The following PCDHA13 variants were observed in gnomAD, a reference collection of about 807,000 sequenced individuals.
The protein encoded by PCDHA13 is protocadherin alpha-13.
PCDHA13 carries 54 observed loss-of-function variants against 64.8 expected under a neutral mutation model. The observed-to-expected ratio is 0.83, with a 90% CI of 0.67 to 1.04. The LOEUF (loss-of-function observed/expected upper bound fraction) is 1.04, where lower values mean the gene tolerates loss of function less well. Ranked by LOEUF, PCDHA13 falls within the 50% of genes least tolerant of loss-of-function variation. PCDHA13 has a pLI of 0.00. For synonymous variants in PCDHA13, 587 were observed against 564.4 expected (o/e 1.04, Z -0.57); for missense variants, 1,248 against 1,254.3 (o/e 0.99, Z 0.08).
intron 1 of PCDHA13, among the ~76,000 whole-genome samples, chr5:140,953,076 T>C (rs1276914822): frequency 6.6e-6 from 1 of 152,106 alleles, no homozygotes; most frequent in East Asian, 1.9e-4. Flanking sequence ...ATCTCCAACA[T>C]TGGGGATTAC....
At chr5:140,922,661 T>C (rs1255153267) in intron 1 of PCDHA13, among the ~76,000 whole-genome samples, 2 of 152,156 alleles carry the variant, frequency 1.3e-5, no homozygotes, top group African/African-American at 4.8e-5. Context: ...ATGGCTATAC[T>C]GCAAGCAGTA....
At chr5:140,920,516 A>G (rs2079670610) in intron 1 of PCDHA13, among the ~76,000 whole-genome samples, 1 of 152,156 alleles carries the variant, frequency 6.6e-6, no homozygotes, top group African/African-American at 2.4e-5. Flanking sequence ...GTTTTATGCA[A>G]TTCGTTAGAC....
chr5:140,969,863 C>G (rs1305470999), intron 1 of PCDHA13, among the ~76,000 whole-genome samples: 2 of 152,156 alleles, frequency 1.3e-5, no homozygotes, highest in Non-Finnish European at 2.9e-5. Context: ...CTGGTACTTG[C>G]ACTGAACCTA....
chr5:140,939,787 C>G (rs1486449192), intron 1 of PCDHA13, among the ~76,000 whole-genome samples: 2 of 152,180 alleles, frequency 1.3e-5, no homozygotes, highest in African/African-American at 2.4e-5. Flanking sequence ...TGGTCAATTT[C>G]TATAAATGTT....
At chr5:140,979,083 C>T (rs563728648) in intron 2 of PCDHA13, 76 bp downstream of exon 2, 207 of 1,562,578 alleles carry the variant, frequency 1.3e-4, no homozygotes, top group Admixed American at 6.5e-4. Context: ...TCTCCATAGG[C>T]CAGAAGCAGC....
intron 3 of PCDHA13, among the ~76,000 whole-genome samples, chr5:141,001,365 T>C (rs577695639): frequency 6.6e-6 from 1 of 152,354 alleles, no homozygotes; most frequent in African/African-American, 2.4e-5. Context: ...AGCCTACTAT[T>C]CTGATTACAG....
At chr5:140,982,671 G>T in intron 3 of PCDHA13, 108 bp downstream of exon 3, 1 of 1,454,062 alleles carries the variant, frequency 6.9e-7, no homozygotes, top group South Asian at 1.4e-5. Context: ...TTATATTTTT[G>T]TTATTCCCTT....
chr5:141,005,563 A>G (rs938722871), intron 3 of PCDHA13, among the ~76,000 whole-genome samples: 4 of 151,458 alleles, frequency 2.6e-5, no homozygotes, highest in East Asian at 1.9e-4. Context: ...TTAGCCGGGC[A>G]TGGTGGCGCG....
At chr5:140,916,264 A>G (rs1455161672) in intron 1 of PCDHA13, among the ~76,000 whole-genome samples, 1 of 152,200 alleles carries the variant, frequency 6.6e-6, no homozygotes, top group East Asian at 1.9e-4. Flanking sequence ...CCCCAAGAGC[A>G]TGCTTGTTGC....
intron 1 of PCDHA13, chr5:140,967,256 G>T: frequency 6.2e-7 from 1 of 1,613,524 alleles, no homozygotes; most frequent in Non-Finnish European, 8.5e-7. Flanking sequence ...GGTGGCGCCT[G>T]GAGCGCGCTT....
Position 140,967,580 on chromosome 5 carries a change from C to T in PCDHA13, c.2395-11369C>T, listed in dbSNP as rs201304400. 42 of 1,614,122 alleles carry T rather than the reference C, an allele frequency of 2.6e-5. No homozygotes were observed. The East Asian group carries it at 4.7e-4, about 18-fold the overall frequency. ...CGTCCAGCTACGGGAGGACTCACCC[C>T]CAGGCACATTGGTGGTGAAGCTGAA... On this transcript the variant is annotated intron_variant, in intron 1 of 3. Transcript: ENST00000289272.
rs540052499 is a variant in PCDHA13 at position 140,992,812 on chromosome 5, G to A, written c.2542+10249G>A. Among the ~76,000 whole-genome samples the A allele has an allele frequency of 2.5e-4, 38 of 152,228 alleles. No homozygotes were observed. The South Asian group carries it at 7.9e-3, about 32-fold the overall frequency. ...TTTTATGGATCCATATGTATCTAAG[G>A]ATGTGTTTGTTTTTTGGGAACATTT... is the stretch of plus-strand genomic sequence containing the variant. On this transcript the variant is annotated intron_variant, in intron 3 of 3. Transcript: ENST00000289272.
At chr5:140,899,518 C>T (rs546972156) in intron 1 of PCDHA13, among the ~76,000 whole-genome samples, 145 of 152,230 alleles carry the variant, frequency 9.5e-4, no homozygotes, top group African/African-American at 2.6e-3. Context: ...TATTGCATCC[C>T]AGGGATGAAG....
chr5:140,973,812 G>A (rs897592585), intron 1 of PCDHA13, among the ~76,000 whole-genome samples: 10 of 152,236 alleles, frequency 6.6e-5, no homozygotes, highest in Admixed American at 6.5e-4. Context: ...TGACAGAATA[G>A]CAAAGTCAGT....
chr5:140,895,281 A>C (rs2064944456), intron 1 of PCDHA13, among the ~76,000 whole-genome samples: 1 of 152,118 alleles, frequency 6.6e-6, no homozygotes, highest in South Asian at 2.1e-4. Context: ...GGATAATTGA[A>C]TTAGGACCTT....
chr5:140,888,941 TAA>T (rs1361014830), intron 1 of PCDHA13, among the ~76,000 whole-genome samples: 2 of 152,086 alleles, frequency 1.3e-5, no homozygotes, highest in Non-Finnish European at 1.5e-5. Flanking sequence ...GAGGGAGGTA[TAA>T]ATTTTTTCTT....
At chr5:140,997,636 A>G (rs2097777002) in intron 3 of PCDHA13, among the ~76,000 whole-genome samples, 2 of 151,964 alleles carry the variant, frequency 1.3e-5, no homozygotes, top group African/African-American at 4.8e-5. Flanking sequence ...AAAAAGCAAA[A>G]TGGGATAATG....
chr5:140,944,881 T>C (rs1554216593), intron 1 of PCDHA13, among the ~76,000 whole-genome samples: 1 of 152,180 alleles, frequency 6.6e-6, no homozygotes, highest in Non-Finnish European at 1.5e-5. Flanking sequence ...CCTACTCCAC[T>C]GTACAGTTCC....
chr5:140,892,232 T>C (rs2063437812), intron 1 of PCDHA13, among the ~76,000 whole-genome samples: 1 of 152,176 alleles, frequency 6.6e-6, no homozygotes, highest in African/African-American at 2.4e-5. Context: ...GTGTTTTGTC[T>C]CCACATAAAC....
Sources: allele counts gnomAD v4.1 joint callset (sites outside exome capture counted in the v4.1 genomes callset), GRCh38; gene constraint gnomAD v4.1.1; transcripts MANE v1.5; gene names NCBI Gene and HGNC (gene_info 2026-07-23, HGNC 2026-07-21).